Variants in ATG2B observed in about 807,000 individuals in gnomAD.
ATG2B encodes the protein autophagy related 2B.
In ATG2B, 121 loss-of-function variants were observed where a neutral mutation model predicts 241.3. That is an observed-to-expected ratio of 0.50 (90% CI 0.43 to 0.58). ATG2B has a LOEUF of 0.58. Ranked by LOEUF, ATG2B falls within the 20% of genes least tolerant of loss-of-function variation. ATG2B has a pLI of 0.00. For missense variants in ATG2B, 2,306 were observed against 2,491.6 expected (o/e 0.93, Z 1.59); for synonymous variants, 858 against 876.6 (o/e 0.98, Z 0.37).
chr14:96,355,943 G>A (rs569596424), intron 1 of ATG2B, among the ~76,000 whole-genome samples: 13 of 152,084 alleles, frequency 8.5e-5, no homozygotes, highest in Middle Eastern at 3.4e-3. Context: ...AGGCAGAGGC[G>A]GGGGAACACA....
intron 6 of ATG2B, among the ~76,000 whole-genome samples, chr14:96,337,669 T>C (rs1256233382): frequency 6.6e-6 from 1 of 152,230 alleles, no homozygotes; most frequent in Non-Finnish European, 1.5e-5. Flanking sequence ...CATACTGTTT[T>C]GCTAACTACA....
chr14:96,309,160 C>T (rs1566720257), intron 29 of ATG2B, among the ~76,000 whole-genome samples: 1 of 152,214 alleles, frequency 6.6e-6, no homozygotes. Context: ...TTTCTTACAT[C>T]ATTTATCAAT....
chr14:96,292,740 T>A (rs965924296), intron 36 of ATG2B, among the ~76,000 whole-genome samples: 1 of 152,218 alleles, frequency 6.6e-6, no homozygotes, highest in Non-Finnish European at 1.5e-5. Context: ...AACAGAATTA[T>A]CGACAAACAA....
At chr14:96,362,761 A>G in intron 1 of ATG2B, 54 bp downstream of exon 1, 7 of 1,549,780 alleles carry the variant, frequency 4.5e-6, no homozygotes, top group Admixed American at 2.0e-5. Flanking sequence ...ACTGGTTCAA[A>G]GCGCCCTAAA....
chr14:96,311,980 A>G (rs1264464279), intron 26 of ATG2B, 109 bp downstream of exon 26: 2 of 804,744 alleles, frequency 2.5e-6, no homozygotes. Flanking sequence ...AGGATCTTTA[A>G]TAAGATTCTT....
intron 6 of ATG2B, among the ~76,000 whole-genome samples, chr14:96,341,145 T>C (rs1315319268): frequency 2.6e-5 from 4 of 152,232 alleles, no homozygotes; most frequent in Non-Finnish European, 5.9e-5. Context: ...TTGCCAAATC[T>C]CTTTTCCTTT....
At position 96,282,119 on chromosome 14, in the gene ATG2B, C is replaced by T. The variant is rs556426410; in HGVS notation, c.*3636G>A. 1 of 152,302 alleles carries T rather than the reference C, an allele frequency of 6.6e-6. No homozygotes were observed. Among genetic ancestry groups the T allele is most frequent in the African/African-American group, 2.4e-5 (1 of 41,552 alleles). 9.4% of individuals were successfully genotyped at this position (152,302 alleles called of 1,614,324 possible). The stretch of plus-strand genomic sequence containing the variant: ...TATTTGTCTTATATGAAAAGAGTGA[C>T]TCTATCTTCCAGTAAACAAGATTTC... On this transcript the variant is annotated 3_prime_UTR_variant, in exon 42 of 42. Transcript: ENST00000359933.
At chr14:96,347,137 A>G in intron 2 of ATG2B, 42 bp downstream of exon 2, 1 of 1,459,114 alleles carries the variant, frequency 6.9e-7, no homozygotes, top group South Asian at 1.5e-5. Flanking sequence ...CCAGTCTCTG[A>G]AGAATAAAAA....
chr14:96,335,029 C>T (rs962974314), intron 6 of ATG2B, among the ~76,000 whole-genome samples: 4 of 152,182 alleles, frequency 2.6e-5, no homozygotes, highest in African/African-American at 7.2e-5. Flanking sequence ...TGCAAGGGGA[C>T]GCCACTACAG....
rs1886844327 is a variant in ATG2B, at chr14:96,303,226, T to C, written c.4872A>G (p.Pro1624=). The change falls in exon 33 of 42, where the codon CCA becomes CCG. Residue 1624 remains proline, a synonymous_variant. Coordinates refer to ENST00000359933, the MANE Select transcript of ATG2B (RefSeq NM_018036.7). ...GGCTGGAATCACAATCAGGTTTGCA[T>C]GGCGGGTAGACTTCATGCTGAAACT... ...KVKFQHEVYP[P]CKPDCDSSLS... 6.2e-7 allele frequency: 1 copy of C among 1,603,064 alleles called. No individual in the cohort carries two copies. The highest frequency in any genetic ancestry group is 8.5e-7 in the Non-Finnish European group (1 of 1,173,896).
chr14:96,332,991 T>C (rs1275637399), intron 8 of ATG2B, among the ~76,000 whole-genome samples: 3 of 152,168 alleles, frequency 2.0e-5, no homozygotes, highest in Non-Finnish European at 2.9e-5. Flanking sequence ...TATAAATATA[T>C]TGCAACCTCT....
intron 34 of ATG2B, among the ~76,000 whole-genome samples, chr14:96,296,760 CAA>C (rs796358676): frequency 7.6e-5 from 5 of 65,426 alleles, no homozygotes; most frequent in Non-Finnish European, 1.3e-4. Flanking sequence ...GACACTGTCT[CAA>C]AAAAAAAAAA....
At chr14:96,303,410 C>A (rs1196711558) in intron 32 of ATG2B, among the ~76,000 whole-genome samples, 155 bp from the exon 33 acceptor site, 5 of 152,168 alleles carry the variant, frequency 3.3e-5, no homozygotes, top group Non-Finnish European at 1.5e-5. Flanking sequence ...ACATGACATT[C>A]CTTCACTTGT....
chr14:96,308,143 TAC>T lies in ATG2B; in HGVS notation c.4304-1229_4304-1228del, dbSNP rs199837950. ...CATGTAATTAAGGTAGCTGCATATA[TAC>T]ATATACACACACACACATATATAAA... On this transcript the variant is annotated intron_variant, in intron 29 of 41. Transcript: ENST00000359933. Among the ~76,000 whole-genome samples, 581 of 145,796 alleles carry T rather than the reference TAC, an allele frequency of 4.0e-3. 22 individuals carry two copies. The South Asian group carries it at 0.061, about 15-fold the overall frequency.
At chr14:96,357,047 C>T (rs1025921231) in intron 1 of ATG2B, among the ~76,000 whole-genome samples, 5 of 152,144 alleles carry the variant, frequency 3.3e-5, no homozygotes, top group Admixed American at 2.0e-4. Context: ...TAGTTATCTG[C>T]TCAAACTGCA....
chr14:96,322,509 T>G (rs761444450), intron 17 of ATG2B, 31 bp downstream of exon 17: 4 of 1,580,320 alleles, frequency 2.5e-6, no homozygotes. Flanking sequence ...AATAATAGTA[T>G]TATTCCTTTG....
chr14:96,347,055 A>T, intron 2 of ATG2B, 124 bp downstream of exon 2: 1 of 764,198 alleles, frequency 1.3e-6, no homozygotes, highest in South Asian at 4.0e-5. Context: ...GCCAAGTCGT[A>T]ATGTATTATC....
intron 18 of ATG2B, 94 bp downstream of exon 18, chr14:96,322,018 A>T: frequency 1.1e-6 from 1 of 907,802 alleles, no homozygotes. Flanking sequence ...GGCATATAAT[A>T]TTCAGGCAAG....
intron 18 of ATG2B, among the ~76,000 whole-genome samples, chr14:96,319,329 T>C (rs1566724002): frequency 6.6e-6 from 1 of 152,248 alleles, no homozygotes. Flanking sequence ...AAAACAATGC[T>C]TAAGATACAT....
Sources: allele counts gnomAD v4.1 joint callset (sites outside exome capture counted in the v4.1 genomes callset), GRCh38; gene constraint gnomAD v4.1.1; transcripts MANE v1.5; gene names NCBI Gene and HGNC (gene_info 2026-07-23, HGNC 2026-07-21).